COQ7: variants seen among roughly 807,000 people sequenced by gnomAD.
COQ7 encodes NADPH-dependent 3-demethoxyubiquinone 3-hydroxylase, mitochondrial.
Under a neutral mutation model 25.0 loss-of-function variants are expected in COQ7, and 21 were observed. That is an observed-to-expected ratio of 0.84 (90% CI 0.60 to 1.21). The LOEUF (loss-of-function observed/expected upper bound fraction) is 1.21. Ranked by LOEUF, COQ7 falls within the 50% of genes most tolerant of loss-of-function variation. The probability of loss-of-function intolerance (pLI) is 0.00; values close to 1 mark genes in which losing one functional copy is unlikely to be tolerated. For missense variants in COQ7, 311 were observed against 296.2 expected (o/e 1.05, Z -0.37); for synonymous variants, 125 against 112.4 (o/e 1.11, Z -0.71).
At chr16:19,074,312 T>A (rs1416210186) in intron 3 of COQ7, among the ~76,000 whole-genome samples, 1 of 150,952 alleles carries the variant, frequency 6.6e-6, no homozygotes, top group Non-Finnish European at 1.5e-5. Context: ...GATCATGAGG[T>A]CAGGAGTTCG....
rs1962590141 is a variant in COQ7, at chr16:19,072,085, C to T, written c.231C>T (p.Thr77=). 1 of 1,614,028 alleles carries T rather than the reference C, an allele frequency of 6.2e-7. No homozygotes were observed. The highest frequency in any genetic ancestry group is 1.1e-5 in the South Asian group (1 of 91,086). ...GGCAGATGGCTGTCCTGGGTCGGAC[C>T]AGCGTCGGGCCAGTCATTCAGGTGG... ...YAGQMAVLGR[T]SVGPVIQKMW... The change falls in exon 2 of 6, where the codon ACC becomes ACT. Residue 77 remains threonine (T), a synonymous_variant. Coordinates refer to ENST00000321998, the MANE Select transcript of COQ7 (RefSeq NM_016138.5).
At chr16:19,072,386 C>A in intron 2 of COQ7, 1 of 422,704 alleles carries the variant, frequency 2.4e-6, no homozygotes, top group Non-Finnish European at 4.3e-6. Flanking sequence ...GGTTAAGAAT[C>A]GCTCAGCACA....
At chr16:19,080,576 G>T (rs969253204), downstream of COQ7, among the ~76,000 whole-genome samples, 1 of 151,894 alleles carries the variant, frequency 6.6e-6, no homozygotes, top group Non-Finnish European at 1.5e-5. Context: ...TGCCATAGAG[G>T]GCCCCTGGAT....
At position 19,073,978 on chromosome 16, in the gene COQ7, T is replaced by G; in HGVS notation, c.310T>G (p.Phe104Val). 6.2e-7 allele frequency: 1 copy of G among 1,613,828 alleles called. No individual in the cohort carries two copies. The highest frequency in any genetic ancestry group is 8.5e-7 in the Non-Finnish European group (1 of 1,179,950). ...AAAGTTCAATGAGTTGATGGTTACG[T>G]TCAGGGTCCGGCCAACAGTTCTGAT... ...LKKFNELMVT[F>V]RVRPTVLMPL... is the part of the protein sequence containing the mutation. Residue 104 changes from phenylalanine (F) to valine (V), a missense_variant, in exon 3 of 6, where the codon TTC becomes GTC. Phe to Val is a conservative substitution (Grantham distance 50). Transcript: ENST00000321998.
intron 4 of COQ7, 82 bp from the exon 5 acceptor site, chr16:19,077,224 A>G: frequency 8.1e-7 from 1 of 1,236,046 alleles, no homozygotes; most frequent in Non-Finnish European, 1.2e-6. Flanking sequence ...GGCCATAATA[A>G]GAGGCTTTAG....
chr16:19,074,506 C>T (rs1419191885), intron 3 of COQ7, among the ~76,000 whole-genome samples: 1 of 151,626 alleles, frequency 6.6e-6, no homozygotes, highest in African/African-American at 2.4e-5. Context: ...GCGTGGGTGA[C>T]AGAGCGACAC....
At chr16:19,068,242 G>A (rs35945667) in intron 1 of COQ7, 181,927 of 1,002,636 alleles carry the variant, frequency 0.18, 17,024 homozygotes, top group Admixed American at 0.21. Flanking sequence ...TGATTTGCAT[G>A]CACTGTAAAC....
chr16:19,070,045 A>G (rs1347699533), intron 1 of COQ7, among the ~76,000 whole-genome samples: 4 of 152,114 alleles, frequency 2.6e-5, no homozygotes, highest in Non-Finnish European at 5.9e-5. Flanking sequence ...CAGCTTCCCA[A>G]AGTGCTGGGA....
chr16:19,072,743 A>G (rs1346522004), intron 2 of COQ7, among the ~76,000 whole-genome samples: 1 of 152,214 alleles, frequency 6.6e-6, no homozygotes, highest in Non-Finnish European at 1.5e-5. Flanking sequence ...TGGCGCAGTC[A>G]TAGTGTGTCC....
At chr16:19,074,452 G>C (rs558394812) in intron 3 of COQ7, among the ~76,000 whole-genome samples, 1 of 151,946 alleles carries the variant, frequency 6.6e-6, no homozygotes, top group South Asian at 2.1e-4. Flanking sequence ...TTGAACCTGG[G>C]AGCTGGAGGT....
intron 1 of COQ7, among the ~76,000 whole-genome samples, chr16:19,069,409 CT>C (rs67523316): frequency 0.023 from 2,776 of 119,314 alleles, 52 homozygotes; most frequent in African/African-American, 0.055. Context: ...TGATTATTGC[CT>C]TTTTTTTTTT....
chr16:19,081,448 C>T (rs1366730131), downstream of COQ7, among the ~76,000 whole-genome samples: 2 of 152,152 alleles, frequency 1.3e-5, no homozygotes, highest in Non-Finnish European at 2.9e-5. Context: ...GTACAGGGCT[C>T]CTAACCTGTG....
intron 1 of COQ7, 162 bp from the exon 2 acceptor site, chr16:19,071,764 CCT>C (rs1962568796): frequency 3.0e-6 from 2 of 665,250 alleles, no homozygotes; most frequent in South Asian, 1.9e-5. Flanking sequence ...TAGGTAAAAT[CCT>C]CTGTTTTAAC....
Position 19,067,676 on chromosome 16 carries a change from CGGGG to C in COQ7, c.13_16del (p.Gly5ArgfsTer34). ...TTTTAGTTCCGGCAATGAGTTGCGC[CGGGG>C]CGGCGGCGGCTCCCCGCCTTTGGCG... On this transcript the variant is annotated frameshift_variant, in exon 1 of 6. Coordinates refer to ENST00000321998, the MANE Select transcript of COQ7 (RefSeq NM_016138.5). LOFTEE classifies it high-confidence loss of function. 6.2e-7 allele frequency: 1 copy of C among 1,612,124 alleles called. No individual in the cohort carries two copies. The highest frequency in any genetic ancestry group is 8.5e-7 in the Non-Finnish European group (1 of 1,179,284).
chr16:19,072,302 C>T, intron 2 of COQ7, 196 bp downstream of exon 2: 1 of 615,240 alleles, frequency 1.6e-6, no homozygotes, highest in Non-Finnish European at 2.8e-6. Flanking sequence ...AGAGAGACAT[C>T]TAGTACATAG....
rs533059703 is a variant in COQ7 at position 19,071,743 on chromosome 16, A to G, written c.74-185A>G. 6.6e-5 allele frequency: 41 copies of G among 621,742 alleles called. No homozygotes were observed. The East Asian group carries it at 1.0e-3, about 15-fold the overall frequency. The allele number at this position is 621,742 out of a possible 1,614,324, so 38.5% of individuals were successfully genotyped here. ...TCATACACTTAAAGTGAAACCAGAA[A>G]TCCAGATCTTTAGGTAAAATCCTCT... On this transcript the variant is annotated intron_variant, in intron 1 of 5. Transcript: ENST00000321998.
chr16:19,077,669 GCCT>G (rs1295139701), intron 5 of COQ7, among the ~76,000 whole-genome samples: 3 of 137,186 alleles, frequency 2.2e-5, no homozygotes, highest in East Asian at 2.3e-4. Flanking sequence ...GCTCACTGCA[GCCT>G]CCTCCTTCCA....
At chr16:19,077,604 T>TTTTTTTTTTTTC (rs1555522742) in intron 5 of COQ7, among the ~76,000 whole-genome samples, 3 of 143,616 alleles carry the variant, frequency 2.1e-5, no homozygotes, top group African/African-American at 5.2e-5. Flanking sequence ...TTTTTTTTTT[T>TTTTTTTTTTTTC]CCCAGACACA....
At chr16:19,076,626 A>C (rs1596833169) in intron 4 of COQ7, among the ~76,000 whole-genome samples, 2 of 113,264 alleles carry the variant, frequency 1.8e-5, no homozygotes, top group African/African-American at 3.6e-5. Flanking sequence ...ATGGAGTCTC[A>C]CTCTGTCCCC....
Sources: gnomAD v4.1 joint callset for allele counts (sites outside exome capture counted in the v4.1 genomes callset) on GRCh38, gnomAD v4.1.1 for gene constraint, MANE v1.5 for transcripts, NCBI Gene and HGNC (gene_info 2026-07-23, HGNC 2026-07-21) for gene names.